Variants in AKAP13 observed in about 807,000 individuals in gnomAD.
AKAP13 encodes the protein A-kinase anchor protein 13.
AKAP13 carries 80 observed loss-of-function variants against 264.5 expected under a neutral mutation model. That is an observed-to-expected ratio of 0.30 (90% confidence interval 0.25 to 0.36). The LOEUF (loss-of-function observed/expected upper bound fraction) is 0.36. Ranked by LOEUF, AKAP13 falls within the 10% of genes least tolerant of loss-of-function variation. The probability of loss-of-function intolerance (pLI) is 1.00; values close to 1 mark genes in which losing one functional copy is unlikely to be tolerated. For synonymous variants in AKAP13, 1,380 were observed against 1,250.2 expected (o/e 1.10, Z -2.19); for missense variants, 3,712 against 3,435.2 (o/e 1.08, Z -2.01).
intron 1 of AKAP13, among the ~76,000 whole-genome samples, chr15:85,460,331 C>T (rs1005687303): frequency 5.3e-5 from 8 of 152,174 alleles, no homozygotes; most frequent in African/African-American, 7.2e-5. Flanking sequence ...CTGGAAAGTA[C>T]ACAGCCCCCG....
intron 1 of AKAP13, among the ~76,000 whole-genome samples, chr15:85,399,502 C>CAAAAAAAAAAAAAAAAAAAAAAAAA (rs71138392): frequency 1.3e-5 from 1 of 77,078 alleles, no homozygotes; most frequent in Admixed American, 1.5e-4. Flanking sequence ...GACTCCGTCT[C>CAAAAAAAAAAAAAAAAAAAAAAAAA]AAAAAAAAAA....
chr15:85,546,611 G>C lies in AKAP13; in HGVS notation c.662+2656G>C, dbSNP rs566206605. On this transcript the variant is annotated intron_variant, in intron 5 of 36. Transcript: ENST00000394518. ...AGTGGCCCAAGAATAGACTTCATGG[G>C]GTCTGTATCTCTTGAAATTATAAAG... Among the ~76,000 whole-genome samples the C allele has an allele frequency of 5.3e-5, 8 of 152,100 alleles. No homozygotes were observed. The East Asian group carries it at 1.4e-3, about 26-fold the overall frequency.
Position 85,533,657 on chromosome 15 carries a change from T to C in AKAP13, c.255T>C (p.Ala85=). The C allele has an allele frequency of 6.2e-7, 1 of 1,614,216 alleles. No homozygotes were observed. The highest frequency in any genetic ancestry group is 8.5e-7 in the Non-Finnish European group (1 of 1,180,034). The change falls in exon 4 of 37, where the codon GCT becomes GCC. Residue 85 remains alanine, a synonymous_variant. Coordinates refer to ENST00000394518, the MANE Select transcript of AKAP13 (RefSeq NM_007200.5). ...SKEGLPVFVV[A]EEDFHFVQDE... is the part of the protein sequence containing the mutation. Reference sequence around the variant, plus strand: ...AGGGCCTTCCCGTGTTTGTGGTGGCTGAAGAAGACTTTCATTTCGTCCAGG... The same window carrying C: ...AGGGCCTTCCCGTGTTTGTGGTGGCCGAAGAAGACTTTCATTTCGTCCAGG...
intron 1 of AKAP13, among the ~76,000 whole-genome samples, chr15:85,466,752 C>T (rs142130480): frequency 6.6e-6 from 1 of 152,150 alleles, no homozygotes; most frequent in Non-Finnish European, 1.5e-5. Context: ...TGAATAAAAC[C>T]TTTGAAACAC....
chr15:85,478,354 A>AC (rs11413041), intron 1 of AKAP13, among the ~76,000 whole-genome samples: 2 of 151,936 alleles, frequency 1.3e-5, no homozygotes, highest in Non-Finnish European at 2.9e-5. Context: ...CAACTTTCAA[A>AC]TAAACTCTAA....
At chr15:85,492,547 C>T (rs1266980535) in intron 2 of AKAP13, among the ~76,000 whole-genome samples, 1 of 152,114 alleles carries the variant, frequency 6.6e-6, no homozygotes, top group African/African-American at 2.4e-5. Flanking sequence ...ACTCTGTTCC[C>T]CTTAAATATT....
chr15:85,492,494 A>G (rs939347816), intron 2 of AKAP13, among the ~76,000 whole-genome samples: 1 of 152,254 alleles, frequency 6.6e-6, no homozygotes, highest in African/African-American at 2.4e-5. Context: ...TCTGTATTAC[A>G]TATTTTTATT....
chr15:85,698,405 C>T (rs927638685), intron 17 of AKAP13, among the ~76,000 whole-genome samples: 1 of 134,586 alleles, frequency 7.4e-6, no homozygotes, highest in Non-Finnish European at 1.5e-5. Context: ...ACAGAGGTTG[C>T]AGTGAGCCGA....
chr15:85,515,069 TC>T (rs2076558298), intron 2 of AKAP13, among the ~76,000 whole-genome samples: 1 of 138,084 alleles, frequency 7.2e-6, no homozygotes, highest in Non-Finnish European at 1.5e-5. Flanking sequence ...ATTTCACAAT[TC>T]TTGGAGCCTA....
chr15:85,663,633 G>A (rs1455349780), intron 12 of AKAP13, among the ~76,000 whole-genome samples: 1 of 152,102 alleles, frequency 6.6e-6, no homozygotes, highest in Non-Finnish European at 1.5e-5. Flanking sequence ...CATTGTTAGC[G>A]GAGAACATGG....
intron 1 of AKAP13, among the ~76,000 whole-genome samples, chr15:85,424,534 G>A (rs2072676575): frequency 6.6e-6 from 1 of 152,110 alleles, no homozygotes; most frequent in Non-Finnish European, 1.5e-5. Flanking sequence ...CGTTGTGGCT[G>A]GCTTGATCTT....
At chr15:85,451,245 T>G (rs949202711) in intron 1 of AKAP13, among the ~76,000 whole-genome samples, 3 of 152,222 alleles carry the variant, frequency 2.0e-5, no homozygotes, top group African/African-American at 7.2e-5. Context: ...CTCCATCCCT[T>G]TATTTTGAGC....
Position 85,401,762 on chromosome 15 carries a change from A to C in AKAP13, c.-12+20964A>C, listed in dbSNP as rs78026773. On this transcript the variant is annotated intron_variant, in intron 1 of 36. Transcript: ENST00000394518. ...CTGTCTTAGGGATCTGGGATAAACA[A>C]TTAGCTTGGTAAATCAGTGGTAGGA... Among the ~76,000 whole-genome samples, 409 of 152,334 alleles carry C rather than the reference A, an allele frequency of 2.7e-3. 3 individuals carry two copies. The highest frequency in any genetic ancestry group is 9.5e-3 in the African/African-American group (394 of 41,586).
chr15:85,613,169 A>G (rs1318783341), intron 8 of AKAP13, among the ~76,000 whole-genome samples: 3 of 152,224 alleles, frequency 2.0e-5, no homozygotes, highest in Non-Finnish European at 2.9e-5. Flanking sequence ...TAAATAGACA[A>G]CATAAATGGT....
chr15:85,607,261 A>G (rs762825135), intron 8 of AKAP13, among the ~76,000 whole-genome samples: 57 of 152,076 alleles, frequency 3.7e-4, no homozygotes, highest in Non-Finnish European at 6.0e-4. Context: ...TTCCTTTGTC[A>G]TGGTACAAAA....
intron 2 of AKAP13, among the ~76,000 whole-genome samples, chr15:85,520,498 CA>C (rs71468111): frequency 0.21 from 14,779 of 70,098 alleles, 331 homozygotes; most frequent in African/African-American, 0.33. Flanking sequence ...AACTCCGTCT[CA>C]AAAAAAAAAA....
At chr15:85,527,515 A>C (rs898240258) in intron 3 of AKAP13, among the ~76,000 whole-genome samples, 2 of 152,238 alleles carry the variant, frequency 1.3e-5, no homozygotes, top group African/African-American at 4.8e-5. Context: ...TCTTTGGGAT[A>C]TGATAATGGA....
chr15:85,703,685 T>C (rs2086057312), intron 17 of AKAP13, among the ~76,000 whole-genome samples: 1 of 151,824 alleles, frequency 6.6e-6, no homozygotes. Context: ...CCACTAAAAA[T>C]ACAAAAAATT....
chr15:85,717,440 A>C (rs746120546), intron 21 of AKAP13, 38 bp downstream of exon 21: 1 of 1,416,540 alleles, frequency 7.1e-7, no homozygotes, highest in African/African-American at 1.4e-5. Context: ...ATGCCTCTGT[A>C]GGGACTGTGT....
Sources: gnomAD v4.1 joint callset for allele counts (sites outside exome capture counted in the v4.1 genomes callset) on GRCh38, gnomAD v4.1.1 for gene constraint, MANE v1.5 for transcripts, NCBI Gene and HGNC (gene_info 2026-07-23, HGNC 2026-07-21) for gene names.